Variants in SBK1 observed in about 807,000 individuals in gnomAD.
The protein encoded by SBK1 is SH3 domain binding kinase 1, also known as serine/threonine-protein kinase SBK1.
In SBK1, 11 loss-of-function variants were observed where a neutral mutation model predicts 24.4. The observed-to-expected ratio is 0.45, with a 90% CI of 0.28 to 0.75. SBK1 has a LOEUF of 0.75. SBK1 is among the 30% of genes least tolerant of loss of function. SBK1 has a pLI of 0.12. For missense variants in SBK1, 467 were observed against 620.5 expected (o/e 0.75, Z 2.63); for synonymous variants, 308 against 284.4 (o/e 1.08, Z -0.83).
intron 1 of SBK1, among the ~76,000 whole-genome samples, chr16:28,266,754 A>C (rs556444672): frequency 6.1e-5 from 9 of 147,932 alleles, no homozygotes; most frequent in South Asian, 2.1e-4. Flanking sequence ...TTTTTAAAAA[A>C]AAAACAAAAC....
In SBK1 at chr16:28,320,642, C is replaced by T. The variant is rs1211114246; in HGVS notation, c.996C>T (p.Pro332=). Residue 332 remains proline (P), a synonymous_variant, in exon 4 of 4, where the codon CCC becomes CCT. Coordinates refer to ENST00000341901, the MANE Select transcript of SBK1 (RefSeq NM_001024401.3). The surrounding 1 kb of genome is among the most constrained non-coding windows in gnomAD (Gnocchi z 8.5). ...GGCCCTCGCACCGCGCGCGCAAGCCCCCCGGGGACCGCCCGCCCGCCGCCG... is the reference window on the plus strand; with the variant it reads ...GGCCCTCGCACCGCGCGCGCAAGCCTCCCGGGGACCGCCCGCCCGCCGCCG... The part of the protein sequence containing the change: ...RRRPSHRARK[P]PGDRPPAAGP... The T allele has an allele frequency of 1.7e-6, 2 of 1,169,172 alleles. No individual in the cohort carries two copies. Among genetic ancestry groups the T allele is most frequent in the Non-Finnish European group, 2.1e-6 (2 of 948,034 alleles). 72.4% of individuals were successfully genotyped at this position (1,169,172 alleles called of 1,614,324 possible).
At position 28,259,341 on chromosome 16, in the gene SBK1, C is replaced by A; in HGVS notation, c.96C>A (p.Gly32=). 2 of 478,050 alleles carry A rather than the reference C, an allele frequency of 4.2e-6. No homozygotes were observed. Among genetic ancestry groups the A allele is most frequent in the Non-Finnish European group, 5.5e-6 (2 of 366,650 alleles). The allele number at this position is 478,050 out of a possible 1,614,324, so 29.6% of individuals were successfully genotyped here. ...GCTCGGGGACTCCTGCCCAGGCTGG[C>A]GATGATGCTGCGGAGGCCACCCCTG... Residue 32 remains glycine (G), a synonymous_variant, in exon 1 of 4, where the codon GGC becomes GGA. Transcript: ENST00000671413. This position sits in a 1 kb window ranked among gnomAD's most constrained non-coding sequence, Gnocchi z 6.0.
At chr16:28,289,524 G>T (rs1013781084), upstream of SBK1, among the ~76,000 whole-genome samples, 5 of 152,214 alleles carry the variant, frequency 3.3e-5, no homozygotes, top group African/African-American at 1.2e-4. Context: ...CCAGCACTTT[G>T]GGAGGCTGAG....
chr16:28,278,582 CT>C (rs2044509790), intron 1 of SBK1, among the ~76,000 whole-genome samples: 1 of 152,120 alleles, frequency 6.6e-6, no homozygotes, highest in African/African-American at 2.4e-5. Flanking sequence ...CAGAGTCTTA[CT>C]CCATCACCCA....
intron 1 of SBK1, among the ~76,000 whole-genome samples, chr16:28,280,232 T>C (rs4787450): frequency 0.11 from 15,012 of 137,966 alleles, 1,195 homozygotes; most frequent in South Asian, 0.29. Flanking sequence ...TATACATATA[T>C]ACATATATAC....
At chr16:28,261,549 G>A (rs2044398004) in intron 1 of SBK1, among the ~76,000 whole-genome samples, 1 of 151,960 alleles carries the variant, frequency 6.6e-6, no homozygotes, top group African/African-American at 2.4e-5. Flanking sequence ...AGGATCCCTT[G>A]AGCCCAGAAG....
At chr16:28,308,513 C>T (rs76794101) in intron 1 of SBK1, among the ~76,000 whole-genome samples, 3,879 of 134,012 alleles carry the variant, frequency 0.029, 199 homozygotes, top group African/African-American at 0.1. Context: ...GTTGAGACCT[C>T]CCAGGCTTAA....
intron 1 of SBK1, among the ~76,000 whole-genome samples, chr16:28,297,520 G>A (rs2044649190): frequency 6.6e-6 from 1 of 152,184 alleles, no homozygotes; most frequent in African/African-American, 2.4e-5. Flanking sequence ...CACCATGGAG[G>A]AGAGCTCAGG....
intron 1 of SBK1, among the ~76,000 whole-genome samples, chr16:28,266,799 T>C (rs748327921): frequency 8.7e-5 from 13 of 150,226 alleles, no homozygotes; most frequent in African/African-American, 2.9e-4. Flanking sequence ...AGAAGTGCAA[T>C]GGCCCAATCA....
At chr16:28,296,125 C>T (rs1231392098) in intron 1 of SBK1, among the ~76,000 whole-genome samples, 11 of 146,532 alleles carry the variant, frequency 7.5e-5, no homozygotes, top group African/African-American at 2.3e-4. Flanking sequence ...GACAGAGTCT[C>T]GCTCTGTTGC....
At chr16:28,267,065 C>A (rs1435052989) in intron 1 of SBK1, among the ~76,000 whole-genome samples, 1 of 151,860 alleles carries the variant, frequency 6.6e-6, no homozygotes, top group African/African-American at 2.4e-5. Flanking sequence ...CACCACCACA[C>A]CTGGCTATTT....
intron 1 of SBK1, among the ~76,000 whole-genome samples, chr16:28,313,585 G>A (rs1335177822): frequency 2.9e-5 from 4 of 136,072 alleles, no homozygotes; most frequent in Non-Finnish European, 6.4e-5. Context: ...GTGACAGAGC[G>A]ATACCCTGTC....
At chr16:28,299,742 G>C (rs187229218) in intron 1 of SBK1, among the ~76,000 whole-genome samples, 163 of 152,332 alleles carry the variant, frequency 1.1e-3, no homozygotes, top group African/African-American at 3.9e-3. Context: ...ACTTCTCCAG[G>C]CCAGGTTGGC....
intron 1 of SBK1, among the ~76,000 whole-genome samples, chr16:28,268,448 G>T (rs1407690298): frequency 2.0e-5 from 3 of 150,656 alleles, no homozygotes; most frequent in African/African-American, 4.9e-5. Flanking sequence ...GTAAAGATGG[G>T]TCTCACTATG....
rs1429151966 is a variant in SBK1, at chr16:28,309,995, TGCCGACCGCCA to T, written c.-7-7387_-7-7377del. ...GTTTCATAAGGGTGGTGCCAACGCT[TGCCGACCGCCA>T]GCAGGAAGTGGTGGGCGGCTCAGTC... On this transcript the variant is annotated intron_variant, in intron 1 of 3. Transcript: ENST00000341901. 4.6e-5 allele frequency among the ~76,000 whole-genome samples: 7 copies of T among 152,182 alleles called. No individual in the cohort carries two copies. In the East Asian group the frequency reaches 1.2e-3, roughly 25 times the overall value.
At chr16:28,280,149 A>ATATATATTTGTGTGTGTGTGTGTGTGTG (rs1230385223) in intron 1 of SBK1, among the ~76,000 whole-genome samples, 1 of 39,414 alleles carries the variant, frequency 2.5e-5, no homozygotes, top group Non-Finnish European at 5.4e-5. Context: ...ATATATATAT[A>ATATATATTTGTGTGTGTGTGTGTGTGTG]TGTGTGTGTG....
In SBK1 at chr16:28,320,727, A is replaced by G. The variant is rs2044834847; in HGVS notation, c.1081A>G (p.Ser361Gly). The change falls in exon 4 of 4, where the codon AGC becomes GGC. Residue 361 changes from serine to glycine, a missense_variant. Ser to Gly is a moderately conservative substitution (Grantham distance 56). Around this residue, in one of 4 missense-constraint regions of SBK1, gnomAD observed 166 missense variants for 146.8 expected, o/e 1.13. Transcript: ENST00000341901. The surrounding 1 kb of genome is among the most constrained non-coding windows in gnomAD (Gnocchi z 8.5). ...LKRTVLTESGSGSRPAPPAVG... is the reference protein window; with the variant it reads ...LKRTVLTESGGGSRPAPPAVG... ...GCGGACGGTGCTGACCGAGAGCGGC[A>G]GCGGCTCCCGGCCCGCGCCCCCCGC... 12 of 1,159,964 alleles carry G rather than the reference A, an allele frequency of 1.0e-5. No individual in the cohort carries two copies. Among genetic ancestry groups the G allele is most frequent in the Middle Eastern group, 3.7e-4 (1 of 2,716 alleles). 71.9% of individuals were successfully genotyped at this position (1,159,964 alleles called of 1,614,324 possible).
chr16:28,320,022 C>A lies in SBK1; in HGVS notation c.430-54C>A. On this transcript the variant is annotated intron_variant, in intron 3 of 3. Coordinates refer to ENST00000341901, the MANE Select transcript of SBK1 (RefSeq NM_001024401.3). The surrounding 1 kb of genome is among the most constrained non-coding windows in gnomAD (Gnocchi z 8.5). ...GAGAGGGAGCTGGAGGGGAGGGCGGCGGGGCGGGCGCTGGAGAGCTGGAAA... is the reference window on the plus strand; with the variant it reads ...GAGAGGGAGCTGGAGGGGAGGGCGGAGGGGCGGGCGCTGGAGAGCTGGAAA... 1 of 1,402,054 alleles carries A rather than the reference C, an allele frequency of 7.1e-7. No homozygotes were observed. Among genetic ancestry groups the A allele is most frequent in the East Asian group, 2.7e-5 (1 of 37,170 alleles). The allele number at this position is 1,402,054 out of a possible 1,614,324, so 86.9% of individuals were successfully genotyped here. A position where few individuals can be genotyped will look rare whatever the true frequency, so the allele number is the denominator to read the frequency against.
At chr16:28,301,281 G>A (rs2044676872) in intron 1 of SBK1, among the ~76,000 whole-genome samples, 1 of 152,244 alleles carries the variant, frequency 6.6e-6, no homozygotes, top group Admixed American at 6.5e-5. Flanking sequence ...CTTTCACAGT[G>A]CCTCACTGGG....
Sources: gnomAD v4.1 joint callset for allele counts (sites outside exome capture counted in the v4.1 genomes callset) on GRCh38, gnomAD v4.1.1 for gene constraint, gnomAD v4.1.1 regional missense constraint, Gnocchi (gnomAD v3.1) non-coding constraint, MANE v1.5 for transcripts, NCBI Gene and HGNC (gene_info 2026-07-23, HGNC 2026-07-21) for gene names.